Variants in SLC7A1 observed in about 807,000 individuals in gnomAD.
The protein encoded by SLC7A1 is solute carrier family 7 member 1.
SLC7A1 carries 10 observed loss-of-function variants against 53.9 expected under a neutral mutation model. That is an observed-to-expected ratio of 0.19 (90% confidence interval 0.11 to 0.31). The LOEUF (loss-of-function observed/expected upper bound fraction) is 0.31, where lower values mean the gene tolerates loss of function less well. Ranked by LOEUF, SLC7A1 falls within the 10% of genes least tolerant of loss-of-function variation. SLC7A1 has a pLI of 1.00. For synonymous variants in SLC7A1, 342 were observed against 338.7 expected, an observed-to-expected ratio of 1.01 and a Z score of -0.11; for missense variants, 525 against 827.2, an observed-to-expected ratio of 0.63 and a Z score of 4.48.
At position 29,513,505 on chromosome 13, in the gene SLC7A1, T is replaced by G. The variant is rs1473822859; in HGVS notation, c.*975A>C. The G allele has an allele frequency of 6.5e-6, 1 of 152,712 alleles. No individual in the cohort carries two copies. Among genetic ancestry groups the G allele is most frequent in the African/African-American group, 2.4e-5 (1 of 41,464 alleles). The allele number at this position is 152,712 out of a possible 1,614,324, so 9.5% of individuals were successfully genotyped here. A position where few individuals can be genotyped will look rare whatever the true frequency, so the allele number is the denominator to read the frequency against. On this transcript the variant is annotated 3_prime_UTR_variant, in exon 13 of 13. Transcript: ENST00000380752. The stretch of plus-strand genomic sequence containing the variant: ...GACATGTCCTGACCCCAGACTGAGC[T>G]GCCACCAGCCTTGAGAACCTTACAG...
intron 1 of SLC7A1, among the ~76,000 whole-genome samples, chr13:29,562,545 G>A (rs1413800209): frequency 6.6e-6 from 1 of 152,176 alleles, no homozygotes; most frequent in Admixed American, 6.5e-5. Context: ...TCCCAAATCC[G>A]AAATGCTCCT....
At chr13:29,529,846 AG>A (rs1869069602) in intron 5 of SLC7A1, among the ~76,000 whole-genome samples, 1 of 152,216 alleles carries the variant, frequency 6.6e-6, no homozygotes, top group Admixed American at 6.5e-5. Flanking sequence ...AAGATAAAAA[AG>A]ATATGACTGT....
chr13:29,540,819 C>G (rs1263256603), intron 2 of SLC7A1, among the ~76,000 whole-genome samples: 1 of 152,216 alleles, frequency 6.6e-6, no homozygotes, highest in Non-Finnish European at 1.5e-5. Flanking sequence ...AGGAGAAAGA[C>G]TGTGGTCTAC....
chr13:29,514,667 C>G, intron 12 of SLC7A1, 84 bp from the exon 13 acceptor site: 3 of 1,037,718 alleles, frequency 2.9e-6, no homozygotes, highest in South Asian at 2.8e-5. Flanking sequence ...GGCGGTCCCA[C>G]AGCAAACCCT....
At chr13:29,583,930 C>T (rs762674264) in intron 1 of SLC7A1, among the ~76,000 whole-genome samples, 1 of 152,024 alleles carries the variant, frequency 6.6e-6, no homozygotes, top group Non-Finnish European at 1.5e-5. Context: ...AAAAAACAAA[C>T]AAACAAACAA....
rs1223455169 is a variant in SLC7A1, at chr13:29,595,529, G to A, written c.-228C>T. 6.6e-6 allele frequency: 1 copy of A among 150,712 alleles called. No homozygotes were observed. Among genetic ancestry groups the A allele is most frequent in the Non-Finnish European group, 1.5e-5 (1 of 67,444 alleles). The allele number at this position is 150,712 out of a possible 1,614,324, so 9.3% of individuals were successfully genotyped here. ...ACCGGGCGGGGCGGGGCGGGGCGGGGGCGCGGCGCGCGGGGAGAGGAGTGG... is the reference window on the plus strand; with the variant it reads ...ACCGGGCGGGGCGGGGCGGGGCGGGAGCGCGGCGCGCGGGGAGAGGAGTGG... On this transcript the variant is annotated 5_prime_UTR_variant, in exon 1 of 13. Coordinates refer to ENST00000380752, the MANE Select transcript of SLC7A1 (RefSeq NM_003045.5).
chr13:29,566,957 A>G (rs1237949809), intron 1 of SLC7A1, among the ~76,000 whole-genome samples: 3 of 152,216 alleles, frequency 2.0e-5, no homozygotes, highest in African/African-American at 7.2e-5. Context: ...CCACTCCCCT[A>G]GAAATCAATC....
At chr13:29,567,660 G>A (rs534104651) in intron 1 of SLC7A1, among the ~76,000 whole-genome samples, 2 of 152,278 alleles carry the variant, frequency 1.3e-5, no homozygotes, top group Admixed American at 1.3e-4. Flanking sequence ...CCCTGCAGGC[G>A]GGCATCCCTC....
intron 2 of SLC7A1, among the ~76,000 whole-genome samples, chr13:29,550,265 G>A (rs1388869800): frequency 6.6e-6 from 1 of 152,246 alleles, no homozygotes; most frequent in Non-Finnish European, 1.5e-5. Context: ...GGCCAGTGAC[G>A]GCTCAGGGCA....
At chr13:29,522,230 C>A in intron 8 of SLC7A1, 87 bp downstream of exon 8, 1 of 1,340,552 alleles carries the variant, frequency 7.5e-7, no homozygotes, top group East Asian at 2.3e-5. Context: ...AGATTACTCA[C>A]AGACCAGAAC....
chr13:29,524,368 G>T (rs555355334), intron 5 of SLC7A1, 115 bp from the exon 6 acceptor site: 1 of 1,333,198 alleles, frequency 7.5e-7, no homozygotes. Context: ...CCCTGTTACC[G>T]CTGCCAGGCC....
Position 29,578,880 on chromosome 13 carries a change from G to A in SLC7A1, c.-115+16536C>T, listed in dbSNP as rs371910605. Among the ~76,000 whole-genome samples the A allele has an allele frequency of 2.9e-4, 44 of 152,328 alleles. No individual in the cohort carries two copies. In the East Asian group the frequency reaches 3.3e-3, roughly 11 times the overall value. ...CAGCCCTGCCCTTCTCTCCGCAGGCGGGGCCTGGCAGCAGGCAAGAACTCT... is the reference window on the plus strand; with the variant it reads ...CAGCCCTGCCCTTCTCTCCGCAGGCAGGGCCTGGCAGCAGGCAAGAACTCT... On this transcript the variant is annotated intron_variant, in intron 1 of 12. Coordinates refer to ENST00000380752, the MANE Select transcript of SLC7A1 (RefSeq NM_003045.5).
chr13:29,549,661 A>G (rs558711349), intron 2 of SLC7A1, among the ~76,000 whole-genome samples: 15 of 152,342 alleles, frequency 9.8e-5, no homozygotes, highest in African/African-American at 2.6e-4. Context: ...CACAGGTTAC[A>G]TCTATTGTTT....
In SLC7A1 at chr13:29,519,545, C is replaced by G. The variant is rs1241323436; in HGVS notation, c.1194G>C (p.Val398=). The G allele has an allele frequency of 6.2e-7, 1 of 1,604,344 alleles. No homozygotes were observed. The highest frequency in any genetic ancestry group is 8.5e-7 in the Non-Finnish European group (1 of 1,171,808). ...CCTTCAGGTCAAAGAGGAAGGCCAT[C>G]ACAGCTGGGAAGAGACAGACACCAG... ...ATLASGAVAA[V]MAFLFDLKDL... Residue 398 remains valine, a synonymous_variant, in exon 9 of 13, where the codon GTG becomes GTC. Coordinates refer to ENST00000380752, the MANE Select transcript of SLC7A1 (RefSeq NM_003045.5).
At chr13:29,594,811 G>C (rs1423804712) in intron 1 of SLC7A1, among the ~76,000 whole-genome samples, 1 of 152,168 alleles carries the variant, frequency 6.6e-6, no homozygotes, top group Non-Finnish European at 1.5e-5. Flanking sequence ...CAAGCGGAGA[G>C]CCAGGCGCCC....
intron 7 of SLC7A1, 84 bp from the exon 8 acceptor site, chr13:29,522,540 C>T (rs992190294): frequency 1.3e-5 from 20 of 1,492,634 alleles, no homozygotes; most frequent in African/African-American, 4.2e-5. Context: ...CGGTTTACCA[C>T]GGAGGAGAGG....
In SLC7A1 at chr13:29,513,780, G is replaced by A. The variant is rs1375682666; in HGVS notation, c.*700C>T. ...GCACACACATGCATAAGCAAAGCAG[G>A]CCCTAATGGGAGTGATCCCTTCTTC... On this transcript the variant is annotated 3_prime_UTR_variant, in exon 13 of 13. Transcript: ENST00000380752. 3 of 152,414 alleles carry A rather than the reference G, an allele frequency of 2.0e-5. No individual in the cohort carries two copies. Among genetic ancestry groups the A allele is most frequent in the African/African-American group, 4.8e-5 (2 of 41,478 alleles). The allele number at this position is 152,414 out of a possible 1,614,324, so 9.4% of individuals were successfully genotyped here. A position where few individuals can be genotyped will look rare whatever the true frequency, so the allele number is the denominator to read the frequency against.
At chr13:29,520,792 G>T (rs894970034) in intron 8 of SLC7A1, among the ~76,000 whole-genome samples, 2 of 152,208 alleles carry the variant, frequency 1.3e-5, no homozygotes, top group African/African-American at 2.4e-5. Flanking sequence ...ATGAGGGAGG[G>T]CCTTTTGGAT....
At chr13:29,549,667 T>G (rs1219131590) in intron 2 of SLC7A1, among the ~76,000 whole-genome samples, 1 of 152,214 alleles carries the variant, frequency 6.6e-6, no homozygotes, top group South Asian at 2.1e-4. Context: ...TTACATCTAT[T>G]GTTTGTTTGT....
Sources: allele counts gnomAD v4.1 joint callset (sites outside exome capture counted in the v4.1 genomes callset), GRCh38; gene constraint gnomAD v4.1.1; transcripts MANE v1.5; gene names NCBI Gene and HGNC (gene_info 2026-07-23, HGNC 2026-07-21).